Variants in TLL1 observed in about 807,000 individuals in gnomAD.
TLL1 encodes the protein tolloid-like protein 1.
TLL1 carries 49 observed loss-of-function variants against 128.2 expected under a neutral mutation model. The ratio of observed to expected loss-of-function variants is 0.38; its 90% CI spans 0.30 to 0.48. TLL1 has a LOEUF of 0.48. Ranked by LOEUF, TLL1 falls within the 20% of genes least tolerant of loss-of-function variation. The pLI, the probability that TLL1 is intolerant of heterozygous loss-of-function variation, is 0.96. For synonymous variants in TLL1, 454 were observed against 418.8 expected (o/e 1.08, Z -1.03); for missense variants, 1,123 against 1,242.0 (o/e 0.90, Z 1.44).
At chr4:165,963,073 A>G (rs1353171362) in intron 1 of TLL1, among the ~76,000 whole-genome samples, 1 of 150,804 alleles carries the variant, frequency 6.6e-6, no homozygotes, top group Non-Finnish European at 1.5e-5. Flanking sequence ...AAAAAAAAAA[A>G]AAAAAAAGTG....
rs542884778 is a variant in TLL1 at position 166,008,846 on chromosome 4, C to A, written c.917+798C>A. Among the ~76,000 whole-genome samples, 3 of 150,540 alleles carry A rather than the reference C, an allele frequency of 2.0e-5. No homozygotes were observed. The East Asian group carries it at 5.9e-4, about 29-fold the overall frequency. Reference sequence around the variant, plus strand: ...TTATGTCCATTTCACAGTTCATTGACATCTATTTCTGAAGGCAAGGTCAGG... The same window carrying A: ...TTATGTCCATTTCACAGTTCATTGAAATCTATTTCTGAAGGCAAGGTCAGG... On this transcript the variant is annotated intron_variant, in intron 7 of 20. Transcript: ENST00000061240.
chr4:165,933,561 A>G (rs541709353), intron 1 of TLL1, among the ~76,000 whole-genome samples: 2 of 152,246 alleles, frequency 1.3e-5, no homozygotes, highest in East Asian at 1.9e-4. Context: ...CCATCCTTGG[A>G]AATTTTATCC....
chr4:165,985,467 G>T (rs1736354068), intron 1 of TLL1, among the ~76,000 whole-genome samples: 1 of 152,020 alleles, frequency 6.6e-6, no homozygotes, highest in Admixed American at 6.6e-5. Flanking sequence ...TTTACTTTGT[G>T]TAACCCCTTT....
intron 1 of TLL1, among the ~76,000 whole-genome samples, chr4:165,936,213 TTTC>T (rs1274188740): frequency 2.9e-5 from 4 of 139,756 alleles, no homozygotes; most frequent in East Asian, 2.3e-4. Context: ...TATATTTTTT[TTTC>T]TTTTTTCTTT....
intron 1 of TLL1, among the ~76,000 whole-genome samples, chr4:165,924,309 A>G (rs994598682): frequency 6.6e-6 from 1 of 152,226 alleles, no homozygotes; most frequent in Non-Finnish European, 1.5e-5. Context: ...ATGCAAAGGA[A>G]AAGTGCTTGA....
intron 1 of TLL1, among the ~76,000 whole-genome samples, chr4:165,968,500 C>G (rs1049492107): frequency 1.1e-4 from 17 of 152,066 alleles, no homozygotes; most frequent in East Asian, 3.8e-4. Context: ...CCCCACTATT[C>G]TATAGAGTAA....
At chr4:165,875,908 G>GAA (rs67494792) in intron 1 of TLL1, among the ~76,000 whole-genome samples, 1 of 146,254 alleles carries the variant, frequency 6.8e-6, no homozygotes, top group African/African-American at 2.5e-5. Context: ...TCTAGGCAAG[G>GAA]AAAAAAAAAA....
intron 16 of TLL1, among the ~76,000 whole-genome samples, chr4:166,072,674 A>C (rs1740847004): frequency 1.3e-5 from 2 of 151,970 alleles, no homozygotes; most frequent in South Asian, 4.1e-4. Context: ...GATATTAGGG[A>C]TATTTTATGT....
chr4:165,998,783 C>T (rs921850854), intron 5 of TLL1, among the ~76,000 whole-genome samples: 8 of 150,072 alleles, frequency 5.3e-5, no homozygotes, highest in Admixed American at 5.3e-4. Flanking sequence ...GGGGACAGAG[C>T]AAGACTCTGT....
chr4:166,054,378 T>C (rs1247097012), intron 12 of TLL1, among the ~76,000 whole-genome samples: 1 of 152,210 alleles, frequency 6.6e-6, no homozygotes, highest in Admixed American at 6.5e-5. Context: ...CCAAATCTTC[T>C]ATGAATACAA....
chr4:166,004,131 T>A (rs76971493), intron 6 of TLL1, among the ~76,000 whole-genome samples: 4 of 152,068 alleles, frequency 2.6e-5, no homozygotes, highest in African/African-American at 9.7e-5. Flanking sequence ...AATTGAAATA[T>A]AATTTCTACT....
chr4:165,964,711 A>T (rs1303386277), intron 1 of TLL1, among the ~76,000 whole-genome samples: 1 of 152,104 alleles, frequency 6.6e-6, no homozygotes, highest in Non-Finnish European at 1.5e-5. Flanking sequence ...TAGCTTGAGG[A>T]CAGGAGCCGG....
At chr4:165,972,508 G>T (rs1036842640) in intron 1 of TLL1, among the ~76,000 whole-genome samples, 1 of 152,020 alleles carries the variant, frequency 6.6e-6, no homozygotes, top group African/African-American at 2.4e-5. Flanking sequence ...ATGGTAGGTG[G>T]TGGGGTGGGG....
At chr4:165,932,367 T>TG (rs1165398204) in intron 1 of TLL1, among the ~76,000 whole-genome samples, 1 of 152,254 alleles carries the variant, frequency 6.6e-6, no homozygotes, top group Non-Finnish European at 1.5e-5. Context: ...AAATGTTGTG[T>TG]GAACAGGAAG....
intron 1 of TLL1, among the ~76,000 whole-genome samples, chr4:165,907,598 G>C (rs904807197): frequency 6.7e-6 from 1 of 150,172 alleles, no homozygotes; most frequent in Admixed American, 6.7e-5. Context: ...GCCCAGGCTA[G>C]AGTGCAATGG....
chr4:166,046,251 T>C (rs1244420290), intron 12 of TLL1, among the ~76,000 whole-genome samples: 2 of 152,220 alleles, frequency 1.3e-5, no homozygotes, highest in Non-Finnish European at 1.5e-5. Context: ...ATTAAAGGCA[T>C]GTAAGTTTCC....
At chr4:165,987,552 T>C (rs1288072111) in intron 1 of TLL1, among the ~76,000 whole-genome samples, 1 of 152,130 alleles carries the variant, frequency 6.6e-6, no homozygotes, top group Non-Finnish European at 1.5e-5. Context: ...TAAGCATTTC[T>C]TTGCTTCTTT....
intron 19 of TLL1, 71 bp downstream of exon 19, chr4:166,091,412 A>G (rs1741777056): frequency 2.3e-6 from 3 of 1,322,092 alleles, no homozygotes; most frequent in Non-Finnish European, 3.2e-6. Context: ...AATTTGGTTC[A>G]ATAATAGGAT....
chr4:166,041,404 G>A (rs193088968), intron 10 of TLL1, among the ~76,000 whole-genome samples: 3 of 151,440 alleles, frequency 2.0e-5, no homozygotes, highest in Admixed American at 1.3e-4. Context: ...GGACTCAAGC[G>A]ATTCTCCTGC....
Sources: allele counts gnomAD v4.1 joint callset (sites outside exome capture counted in the v4.1 genomes callset), GRCh38; gene constraint gnomAD v4.1.1; transcripts MANE v1.5; gene names NCBI Gene and HGNC (gene_info 2026-07-23, HGNC 2026-07-21).